Variants in TRIM24 observed in about 807,000 individuals in gnomAD.
TRIM24 encodes the protein tripartite motif containing 24.
In TRIM24, 29 loss-of-function variants were observed where a neutral mutation model predicts 123.9. That is an observed-to-expected ratio of 0.23 (90% CI 0.17 to 0.32). TRIM24 has a LOEUF of 0.32. TRIM24 is among the 10% of genes least tolerant of loss of function. The probability of loss-of-function intolerance (pLI) is 1.00; values close to 1 mark genes in which losing one functional copy is unlikely to be tolerated. For missense variants in TRIM24, 932 were observed against 1,295.3 expected (o/e 0.72, Z 4.31); for synonymous variants, 456 against 461.1 (o/e 0.99, Z 0.14).
At chr7:138,563,708 G>A (rs989084143) in intron 9 of TRIM24, among the ~76,000 whole-genome samples, 23 of 152,160 alleles carry the variant, frequency 1.5e-4, no homozygotes, top group African/African-American at 5.5e-4. Context: ...AGGGTCAAAC[G>A]GAGTGTAAAG....
intron 1 of TRIM24, among the ~76,000 whole-genome samples, chr7:138,487,055 TC>T (rs1234999737): frequency 2.0e-5 from 3 of 152,190 alleles, no homozygotes; most frequent in Non-Finnish European, 4.4e-5. Context: ...GTCCTTCACA[TC>T]CCTTGTAAGT....
In TRIM24 at chr7:138,567,415, TAG is replaced by T. The variant is rs1479107972; in HGVS notation, c.1531-62_1531-61del. 16 of 1,438,982 alleles carry T rather than the reference TAG, an allele frequency of 1.1e-5. No individual in the cohort carries two copies. The African/African-American group carries it at 1.9e-4, about 17-fold the overall frequency. 89.1% of individuals were successfully genotyped at this position (1,438,982 alleles called of 1,614,324 possible). A position where few individuals can be genotyped will look rare whatever the true frequency, so the allele number is the denominator to read the frequency against. On this transcript the variant is annotated intron_variant, in intron 9 of 18. Transcript: ENST00000343526. ...ATTTTTCTGTAAAAGTTTTATAAGA[TAG>T]AGATTTATAATTTGTTTTTCAGAAG...
chr7:138,554,729 G>A lies in TRIM24; in HGVS notation c.1293G>A (p.Gln431=). ...TAGTAATCGAGGATAAAGAGAGCCAGCCACAAATGCCTAAGCAGAATCCTG... is the reference window on the plus strand; with the variant it reads ...TAGTAATCGAGGATAAAGAGAGCCAACCACAAATGCCTAAGCAGAATCCTG... The part of the protein sequence containing the change: ...GSLVIEDKES[Q]PQMPKQNPVV... Residue 431 remains glutamine, a synonymous_variant, in exon 9 of 19, where the codon CAG becomes CAA. Coordinates refer to ENST00000343526, the MANE Select transcript of TRIM24 (RefSeq NM_015905.3). The surrounding 1 kb of genome is among the most constrained non-coding windows in gnomAD (Gnocchi z 4.5). The A allele has an allele frequency of 6.2e-7, 1 of 1,614,130 alleles. No homozygotes were observed. Among genetic ancestry groups the A allele is most frequent in the Non-Finnish European group, 8.5e-7 (1 of 1,179,968 alleles).
At chr7:138,489,935 C>G (rs1014597637) in intron 1 of TRIM24, among the ~76,000 whole-genome samples, 1 of 152,140 alleles carries the variant, frequency 6.6e-6, no homozygotes, top group African/African-American at 2.4e-5. Context: ...GGATAATATC[C>G]CGAAGAGTGT....
intron 1 of TRIM24, among the ~76,000 whole-genome samples, chr7:138,486,520 G>A (rs1795651285): frequency 6.6e-6 from 1 of 152,176 alleles, no homozygotes; most frequent in South Asian, 2.1e-4. Flanking sequence ...TGTATAAGGT[G>A]TAAGGAAGGG....
chr7:138,564,335 C>A (rs1189239064), intron 9 of TRIM24, among the ~76,000 whole-genome samples: 1 of 152,186 alleles, frequency 6.6e-6, no homozygotes, highest in East Asian at 1.9e-4. Flanking sequence ...GGGCTCCGAT[C>A]TTTCCTTTTG....
intron 4 of TRIM24, among the ~76,000 whole-genome samples, chr7:138,524,914 AC>A (rs1185558504): frequency 1.3e-5 from 2 of 152,168 alleles, no homozygotes; most frequent in Admixed American, 6.5e-5. Context: ...TGTAGAAATT[AC>A]AAAATAGTTA....
chr7:138,469,858 TGA>T (rs1389734679), intron 1 of TRIM24, among the ~76,000 whole-genome samples: 90 of 152,314 alleles, frequency 5.9e-4, no homozygotes, highest in Non-Finnish European at 2.9e-4. Context: ...TGGAGTATCC[TGA>T]GAGAAGGGAT....
chr7:138,532,690 A>G (rs1362235649), intron 6 of TRIM24, among the ~76,000 whole-genome samples: 1 of 152,218 alleles, frequency 6.6e-6, no homozygotes, highest in African/African-American at 2.4e-5. Context: ...TGTCTTGGCA[A>G]TGCGGGCTCT....
At position 138,505,774 on chromosome 7, in the gene TRIM24, C is replaced by T. The variant is rs983600200; in HGVS notation, c.483+1366C>T. On this transcript the variant is annotated intron_variant, in intron 2 of 18. Coordinates refer to ENST00000343526, the MANE Select transcript of TRIM24 (RefSeq NM_015905.3). Reference sequence around the variant, plus strand: ...ATCCAATGGTGTTTTTCGTTTGTTTCTAATTTCTATAACCCACATGTAGAA... The same window carrying T: ...ATCCAATGGTGTTTTTCGTTTGTTTTTAATTTCTATAACCCACATGTAGAA... Among the ~76,000 whole-genome samples, 14 of 152,148 alleles carry T rather than the reference C, an allele frequency of 9.2e-5. No homozygotes were observed. The East Asian group carries it at 2.7e-3, about 29-fold the overall frequency.
At chr7:138,547,983 G>A (rs1376913639) in intron 7 of TRIM24, among the ~76,000 whole-genome samples, 2 of 152,132 alleles carry the variant, frequency 1.3e-5, no homozygotes, top group African/African-American at 4.8e-5. Context: ...GGGATTTGCC[G>A]ACAGGTTGAA....
At chr7:138,582,473 C>T (rs1262802756) in intron 17 of TRIM24, among the ~76,000 whole-genome samples, 2 of 148,388 alleles carry the variant, frequency 1.3e-5, no homozygotes, top group Admixed American at 6.9e-5. Flanking sequence ...ACCTGGGAGG[C>T]GGAGCTTGCA....
chr7:138,499,028 A>G (rs984067367), intron 1 of TRIM24, among the ~76,000 whole-genome samples: 4 of 151,978 alleles, frequency 2.6e-5, no homozygotes, highest in Non-Finnish European at 5.9e-5. Flanking sequence ...CTACTGCTCT[A>G]TTGATTTCTG....
At chr7:138,481,339 G>T (rs1795522398) in intron 1 of TRIM24, among the ~76,000 whole-genome samples, 1 of 152,042 alleles carries the variant, frequency 6.6e-6, no homozygotes, top group Non-Finnish European at 1.5e-5. Flanking sequence ...TTCTGCCTCA[G>T]CCTCCCAAAT....
chr7:138,547,008 C>T (rs910371012), intron 7 of TRIM24, among the ~76,000 whole-genome samples: 13 of 151,768 alleles, frequency 8.6e-5, no homozygotes, highest in African/African-American at 3.1e-4. Context: ...ACATTATTCA[C>T]AATAACCAAA....
chr7:138,581,217 T>C (rs1317613635), intron 16 of TRIM24, among the ~76,000 whole-genome samples: 4 of 152,232 alleles, frequency 2.6e-5, no homozygotes, highest in Non-Finnish European at 2.9e-5. Flanking sequence ...AAAGTTGTCA[T>C]GCAAGAGGGG....
At position 138,584,966 on chromosome 7, in the gene TRIM24, A is replaced by G; in HGVS notation, c.*15A>G. 6.4e-7 allele frequency: 1 copy of G among 1,567,424 alleles called. No homozygotes were observed. Among genetic ancestry groups the G allele is most frequent in the Non-Finnish European group, 8.6e-7 (1 of 1,161,542 alleles). On this transcript the variant is annotated 3_prime_UTR_variant, in exon 19 of 19. Transcript: ENST00000343526. ...TGCTTAAATAATATGCAGCACCACTAGCTTGTGCTGGTTTTTAGATTTTTT... is the reference window on the plus strand; with the variant it reads ...TGCTTAAATAATATGCAGCACCACTGGCTTGTGCTGGTTTTTAGATTTTTT...
Position 138,538,807 on chromosome 7 carries a change from A to G in TRIM24, c.1143+4A>G, listed in dbSNP as rs780150114. The G allele has an allele frequency of 1.2e-6, 2 of 1,613,540 alleles. No individual in the cohort carries two copies. The highest frequency in any genetic ancestry group is 2.2e-5 in the South Asian group (2 of 90,974). On this transcript the variant is annotated splice_donor_region_variant and intron_variant, in intron 7 of 18. Coordinates refer to ENST00000343526, the MANE Select transcript of TRIM24 (RefSeq NM_015905.3). ...ATTACTTTATAGCAAACGACTGGTA[A>G]GATAAAGTATGCTATTTAATATACT...
intron 7 of TRIM24, among the ~76,000 whole-genome samples, chr7:138,539,053 T>C (rs1184050050): frequency 6.6e-6 from 1 of 152,200 alleles, no homozygotes; most frequent in Non-Finnish European, 1.5e-5. Context: ...GAAGTTAATA[T>C]CAAAAATAAG....
Sources: gnomAD v4.1 joint callset for allele counts (sites outside exome capture counted in the v4.1 genomes callset) on GRCh38, gnomAD v4.1.1 for gene constraint, Gnocchi (gnomAD v3.1) non-coding constraint, MANE v1.5 for transcripts, NCBI Gene and HGNC (gene_info 2026-07-23, HGNC 2026-07-21) for gene names.